The following XPO5 variants were observed in gnomAD, a reference collection of about 807,000 sequenced individuals.
XPO5 encodes exportin-5.
Under a neutral mutation model 160.6 loss-of-function variants are expected in XPO5, and 46 were observed. The ratio of observed to expected loss-of-function variants is 0.29; its 90% confidence interval spans 0.23 to 0.37. The LOEUF (loss-of-function observed/expected upper bound fraction) is 0.37. XPO5 is among the 10% of genes least tolerant of loss of function. XPO5 has a pLI of 1.00. For missense variants in XPO5, 1,090 were observed against 1,463.9 expected (o/e 0.74, Z 4.17); for synonymous variants, 537 against 519.3 (o/e 1.03, Z -0.46).
rs113995813 is a variant in XPO5 at position 43,563,975 on chromosome 6, T to C, written c.912-1629A>G. 9.7e-3 allele frequency among the ~76,000 whole-genome samples: 1,477 copies of C among 152,250 alleles called. 19 individuals carry two copies. Among genetic ancestry groups the C allele is most frequent in the African/African-American group, 0.034 (1,413 of 41,556 alleles). ...TCTCACTCTGTTGCCTAAGCTGGAG[T>C]GCAGGGGCACAATCCTGGCTCACTG... is the stretch of plus-strand genomic sequence containing the variant. On this transcript the variant is annotated intron_variant, in intron 8 of 31. Coordinates refer to ENST00000265351, the MANE Select transcript of XPO5 (RefSeq NM_020750.3).
chr6:43,537,779 A>G (rs1446733186), intron 20 of XPO5, among the ~76,000 whole-genome samples: 1 of 152,198 alleles, frequency 6.6e-6, no homozygotes, highest in African/African-American at 2.4e-5. Flanking sequence ...TTGAAAAGAA[A>G]AAGAGGGCCA....
intron 12 of XPO5, among the ~76,000 whole-genome samples, chr6:43,557,735 G>A (rs1762172105): frequency 2.2e-5 from 3 of 135,826 alleles, no homozygotes; most frequent in South Asian, 4.7e-4. Context: ...ATTATATACT[G>A]TATGTGGGTG....
At chr6:43,549,661 C>T (rs1795135036) in intron 16 of XPO5, 83 bp from the exon 17 acceptor site, 1 of 1,470,142 alleles carries the variant, frequency 6.8e-7, no homozygotes, top group African/African-American at 1.4e-5. Context: ...ATATCTCAGT[C>T]AGGGGCAAAT....
chr6:43,524,439 G>T, intron 31 of XPO5, 32 bp downstream of exon 31: 1 of 1,605,478 alleles, frequency 6.2e-7, no homozygotes, highest in Non-Finnish European at 8.5e-7. Flanking sequence ...TAAGAAGGGG[G>T]TTGGGAGCAC....
At chr6:43,538,073 A>G (rs570434298) in intron 20 of XPO5, among the ~76,000 whole-genome samples, 10 of 137,588 alleles carry the variant, frequency 7.3e-5, no homozygotes, top group African/African-American at 2.9e-4. Context: ...TGACAGAACA[A>G]GATGGTCTCA....
Position 43,531,394 on chromosome 6 carries a change from A to G in XPO5, c.2540+85T>C, listed in dbSNP as rs189490510. 5.9e-3 allele frequency: 7,331 copies of G among 1,251,714 alleles called. 51 individuals are homozygous for G. Among genetic ancestry groups the G allele is most frequent in the South Asian group, 0.021 (1,708 of 82,576 alleles). The allele number at this position is 1,251,714 out of a possible 1,614,324, so 77.5% of individuals were successfully genotyped here. A position where few individuals can be genotyped will look rare whatever the true frequency, so the allele number is the denominator to read the frequency against. On this transcript the variant is annotated intron_variant, in intron 22 of 31. Coordinates refer to ENST00000265351, the MANE Select transcript of XPO5 (RefSeq NM_020750.3). ...AACTCTTGCCTCGCCTTACCTGTACACTAGATGAAAAGTCCAACCCATGGA... is the reference window on the plus strand; with the variant it reads ...AACTCTTGCCTCGCCTTACCTGTACGCTAGATGAAAAGTCCAACCCATGGA...
chr6:43,570,531 G>T lies in XPO5; in HGVS notation c.592C>A (p.Gln198Lys), dbSNP rs902549315. The T allele has an allele frequency of 6.2e-7, 1 of 1,613,536 alleles. No individual in the cohort carries two copies. Among genetic ancestry groups the T allele is most frequent in the African/African-American group, 1.3e-5 (1 of 74,994 alleles). Residue 198 changes from glutamine (Q) to lysine (K), a missense_variant, in exon 5 of 32, where the codon CAA becomes AAA. Physicochemically the swap from Gln to Lys is moderately conservative, Grantham distance 53 (BLOSUM62 1). This residue lies in a region of XPO5 where 110 missense variants were observed against 97.9 expected (regional missense o/e 1.12). Transcript: ENST00000265351. ...TGCTGATACTTGTTTACATTTTCTT[G>T]AAGTGTGTTAAGCAGAAAACTGAAG... The part of the protein sequence containing the change: ...RIFSFLLNTL[Q>K]ENVNKYQQVK...
At position 43,523,974 on chromosome 6, in the gene XPO5, ACTT is replaced by A; in HGVS notation, c.3506_3508del (p.Glu1169del). 1 of 1,613,800 alleles carries A rather than the reference ACTT, an allele frequency of 6.2e-7. No individual in the cohort carries two copies. Among genetic ancestry groups the A allele is most frequent in the South Asian group, 1.1e-5 (1 of 91,090 alleles). On this transcript the variant is annotated inframe_deletion, in exon 32 of 32. Transcript: ENST00000265351. ...AAGTGAGGGAAGATTCTTAATGTGAACTTCTTTTCGGAACTGCTCTCCCAAGGG... is the reference window on the plus strand; with the variant it reads ...AAGTGAGGGAAGATTCTTAATGTGAACTTTTCGGAACTGCTCTCCCAAGGG...
chr6:43,544,965 C>T (rs886435633), intron 20 of XPO5, among the ~76,000 whole-genome samples: 6 of 152,192 alleles, frequency 3.9e-5, no homozygotes, highest in South Asian at 2.1e-4. Context: ...CTCCGCCTCC[C>T]GGGTTCAAGC....
At chr6:43,549,084 A>G (rs923639674) in intron 17 of XPO5, among the ~76,000 whole-genome samples, 3 of 152,152 alleles carry the variant, frequency 2.0e-5, no homozygotes, top group Non-Finnish European at 4.4e-5. Context: ...TTTATTTTTG[A>G]GATGGAGTTT....
At chr6:43,565,843 C>A (rs1762669956) in intron 7 of XPO5, 107 bp from the exon 8 acceptor site, 5 of 837,408 alleles carry the variant, frequency 6.0e-6, no homozygotes, top group Non-Finnish European at 8.9e-6. Flanking sequence ...TTCTTATATA[C>A]CCCAGGGTTT....
intron 9 of XPO5, 177 bp downstream of exon 9, chr6:43,562,070 T>G: frequency 2.2e-6 from 1 of 455,336 alleles, no homozygotes; most frequent in East Asian, 3.4e-5. Flanking sequence ...GAAATTTAGA[T>G]CACTCAAACA....
rs73426764 is a variant in XPO5, at chr6:43,536,124, C to T, written c.2343-2117G>A. On this transcript the variant is annotated intron_variant, in intron 20 of 31. Coordinates refer to ENST00000265351, the MANE Select transcript of XPO5 (RefSeq NM_020750.3). ...CTCCCTCTCAAAAAAAAAAGTCATTCGCTACCCTGGCCAGGCACAGTGACT... is the reference window on the plus strand; with the variant it reads ...CTCCCTCTCAAAAAAAAAAGTCATTTGCTACCCTGGCCAGGCACAGTGACT... Among the ~76,000 whole-genome samples, 489 of 149,622 alleles carry T rather than the reference C, an allele frequency of 3.3e-3. 2 individuals carry two copies. The highest frequency in any genetic ancestry group is 0.011 in the African/African-American group (456 of 40,632).
chr6:43,564,732 G>A (rs1161657440), intron 8 of XPO5, among the ~76,000 whole-genome samples: 5 of 151,986 alleles, frequency 3.3e-5, no homozygotes, highest in African/African-American at 1.2e-4. Flanking sequence ...CTTCTGAGTA[G>A]CTGGGACTAC....
intron 20 of XPO5, among the ~76,000 whole-genome samples, chr6:43,544,548 G>C (rs919233945): frequency 6.6e-6 from 1 of 152,138 alleles, no homozygotes; most frequent in Non-Finnish European, 1.5e-5. Flanking sequence ...GGCCTAAAAA[G>C]GTCTAGGTGA....
At chr6:43,571,537 C>T (rs1763007147) in intron 3 of XPO5, among the ~76,000 whole-genome samples, 1 of 152,186 alleles carries the variant, frequency 6.6e-6, no homozygotes, top group African/African-American at 2.4e-5. Context: ...CCAGTCATCA[C>T]ACCTGTAATC....
At chr6:43,543,857 A>G (rs531813616) in intron 20 of XPO5, among the ~76,000 whole-genome samples, 29 of 152,038 alleles carry the variant, frequency 1.9e-4, no homozygotes, top group African/African-American at 7.0e-4. Context: ...TTGTATTTTT[A>G]GTAGAGGTGG....
chr6:43,570,775 A>G, intron 4 of XPO5, 82 bp downstream of exon 4: 1 of 1,522,938 alleles, frequency 6.6e-7, no homozygotes, highest in Non-Finnish European at 8.8e-7. Context: ...AAAAAAAAAA[A>G]CCCACAAACA....
intron 26 of XPO5, chr6:43,527,411 A>T (rs1414072874): frequency 2.5e-6 from 1 of 407,414 alleles, no homozygotes; most frequent in African/African-American, 2.1e-5. Context: ...AGCTGGGACT[A>T]CAGGCCTGCG....
Sources: allele counts gnomAD v4.1 joint callset (sites outside exome capture counted in the v4.1 genomes callset), GRCh38; gene constraint gnomAD v4.1.1; regional missense constraint gnomAD v4.1.1; transcripts MANE v1.5; gene names NCBI Gene and HGNC (gene_info 2026-07-23, HGNC 2026-07-21).